Variants in CENPF observed in about 807,000 individuals in gnomAD.
The protein encoded by CENPF is AH antigen.
CENPF carries 214 observed loss-of-function variants against 307.3 expected under a neutral mutation model. That is an observed-to-expected ratio of 0.70 (90% CI 0.62 to 0.78). The LOEUF is 0.78. CENPF is among the 30% of genes least tolerant of loss of function. The pLI is 0.00. For missense variants in CENPF, 3,401 were observed against 3,483.9 expected (o/e 0.98, Z 0.60); for synonymous variants, 1,259 against 1,270.6 (o/e 0.99, Z 0.19).
At chr1:214,612,741 A>G (rs1311748708) in intron 1 of CENPF, among the ~76,000 whole-genome samples, 12 of 152,250 alleles carry the variant, frequency 7.9e-5, no homozygotes, top group Admixed American at 7.9e-4. Context: ...TACACATGGC[A>G]GGATGATTGT....
chr1:214,645,985 G>A lies in CENPF; in HGVS notation c.6415G>A (p.Ala2139Thr), dbSNP rs3748695. ...CGATGAAAAGAAGCAGCTGCACATC[G>A]CAGAGAAACTGAAAGAACGCGAGCG... ...EADEKKQLHI[A>T]EKLKEREREN... is the part of the protein sequence containing the mutation. The change falls in exon 13 of 20, where the codon GCA (alanine) becomes ACA (threonine). Residue 2139 changes from alanine (A) to threonine (T), a missense_variant. Physicochemically the swap from Ala to Thr is moderately conservative, Grantham distance 58. Transcript: ENST00000366955. 0.063 allele frequency: 102,319 copies of A among 1,613,964 alleles called. 4,226 individuals are homozygous for A. The highest frequency in any genetic ancestry group is 0.15 in the South Asian group (13,442 of 91,076).
rs1168928379 is a variant in CENPF, at chr1:214,608,396, C to T, written c.-42+5075C>T. The T allele has an allele frequency of 3.1e-6, 5 of 1,613,294 alleles. No homozygotes were observed. The Admixed American group carries it at 5.0e-5, about 16-fold the overall frequency. Reference sequence around the variant, plus strand: ...GGCCTACCCGAGCTGGCACCGTAGCCGGAGTAGTCGTAGGAGAAGATGTTG... The same window carrying T: ...GGCCTACCCGAGCTGGCACCGTAGCTGGAGTAGTCGTAGGAGAAGATGTTG... On this transcript the variant is annotated intron_variant, in intron 1 of 19. Coordinates refer to ENST00000366955, the MANE Select transcript of CENPF (RefSeq NM_016343.4).
At chr1:214,610,098 T>C (rs1657160489) in intron 1 of CENPF, among the ~76,000 whole-genome samples, 1 of 151,520 alleles carries the variant, frequency 6.6e-6, no homozygotes, top group African/African-American at 2.4e-5. Context: ...GCTCAAGTTA[T>C]CCACCTGCCT....
intron 3 of CENPF, 42 bp downstream of exon 3, chr1:214,615,070 GTATT>G (rs758879609): frequency 2.2e-6 from 3 of 1,340,300 alleles, no homozygotes; most frequent in Non-Finnish European, 2.0e-6. Context: ...ATATTTGTAT[GTATT>G]AATCAGATGC....
chr1:214,647,250 T>C lies in CENPF; in HGVS notation c.7680T>C (p.Asn2560=). The C allele has an allele frequency of 6.2e-7, 1 of 1,614,084 alleles. No individual in the cohort carries two copies. Among genetic ancestry groups the C allele is most frequent in the Non-Finnish European group, 8.5e-7 (1 of 1,179,964 alleles). Residue 2560 remains asparagine (N), a synonymous_variant, in exon 13 of 20, where the codon AAT becomes AAC. Transcript: ENST00000366955. ...AGGAGCAAAACTTAGAACTGAGAAA[T>C]CTGACAGTGGAATTGGAGCAGAAGA... is the stretch of plus-strand genomic sequence containing the variant. ...LWKEQNLELR[N]LTVELEQKIQ...
chr1:214,623,178 T>G (rs961732829), intron 7 of CENPF, among the ~76,000 whole-genome samples: 1 of 152,190 alleles, frequency 6.6e-6, no homozygotes, highest in Non-Finnish European at 1.5e-5. Context: ...GCCACTGCAC[T>G]CCAGCTTGGG....
intron 2 of CENPF, among the ~76,000 whole-genome samples, 186 bp from the exon 3 acceptor site, chr1:214,614,646 A>G (rs1295160447): frequency 1.3e-5 from 2 of 152,164 alleles, no homozygotes; most frequent in South Asian, 2.1e-4. Context: ...GATATACTAC[A>G]TGGCTTCAAA....
intron 16 of CENPF, 56 bp from the exon 17 acceptor site, chr1:214,655,185 C>T: frequency 9.0e-7 from 1 of 1,106,670 alleles, no homozygotes; most frequent in Admixed American, 2.8e-5. Context: ...ATTATTTTTC[C>T]ATATGCTTAT....
At chr1:214,653,068 G>GTTTTCA in intron 16 of CENPF, 79 bp downstream of exon 16, 1 of 1,316,648 alleles carries the variant, frequency 7.6e-7, no homozygotes, top group Non-Finnish European at 1.1e-6. Context: ...AGCATTAAAC[G>GTTTTCA]TTTTCATTTT....
At chr1:214,613,472 T>G (rs1322167738) in intron 1 of CENPF, 1 of 244,338 alleles carries the variant, frequency 4.1e-6, no homozygotes, top group African/African-American at 2.2e-5. Context: ...ATATAAGAAG[T>G]CAACACCGAG....
chr1:214,617,582 C>T (rs1657395097), intron 3 of CENPF, among the ~76,000 whole-genome samples: 1 of 152,132 alleles, frequency 6.6e-6, no homozygotes. Flanking sequence ...TACATATATA[C>T]AATATGTAAC....
chr1:214,632,133 A>G (rs991515865), intron 9 of CENPF, among the ~76,000 whole-genome samples: 3 of 151,930 alleles, frequency 2.0e-5, no homozygotes, highest in Admixed American at 6.5e-5. Flanking sequence ...ATTCTGTTAT[A>G]TATATTGAAA....
intron 7 of CENPF, among the ~76,000 whole-genome samples, chr1:214,626,569 G>A (rs576906454): frequency 1.9e-4 from 29 of 152,288 alleles, no homozygotes; most frequent in Admixed American, 3.3e-4. Flanking sequence ...GTCTCACTAC[G>A]TAATAGTAAT....
chr1:214,641,259 A>C lies in CENPF; in HGVS notation c.2921A>C (p.Gln974Pro). The C allele has an allele frequency of 6.2e-7, 1 of 1,602,260 alleles. No individual in the cohort carries two copies. The highest frequency in any genetic ancestry group is 8.5e-7 in the Non-Finnish European group (1 of 1,177,030). ...AAAAGGGAAATTGAAGAGCTGACCC[A>C]AGAGAATGGGACTCTTAAGGAAATT... ...LNKREIEELT[Q>P]ENGTLKEINA... Residue 974 changes from glutamine (Q) to proline (P), a missense_variant, in exon 12 of 20, where the codon CAA becomes CCA. Transcript: ENST00000366955.
chr1:214,626,911 CACTTT>C (rs1342031473), intron 7 of CENPF, among the ~76,000 whole-genome samples: 2 of 152,204 alleles, frequency 1.3e-5, no homozygotes, highest in African/African-American at 4.8e-5. Context: ...TCTCCTTTTA[CACTTT>C]ACTTATTTGG....
intron 1 of CENPF, chr1:214,608,662 G>A (rs1657107212): frequency 8.1e-6 from 13 of 1,600,494 alleles, no homozygotes; most frequent in Non-Finnish European, 1.1e-5. Flanking sequence ...GGGTGCGCCC[G>A]AGGAGGCCCG....
chr1:214,647,421 A>G, intron 13 of CENPF, 21 bp downstream of exon 13: 1 of 1,574,742 alleles, frequency 6.4e-7, no homozygotes, highest in Middle Eastern at 1.7e-4. Flanking sequence ...ATATCTGTTT[A>G]TGTTTAAATA....
intron 15 of CENPF, among the ~76,000 whole-genome samples, chr1:214,652,411 G>C (rs335527): frequency 0.5 from 74,395 of 149,482 alleles, 19,694 homozygotes; most frequent in East Asian, 0.87. Flanking sequence ...AATAGTCCTT[G>C]GAAAGGCAGG....
intron 18 of CENPF, 52 bp downstream of exon 18, chr1:214,657,461 A>C: frequency 1.5e-6 from 2 of 1,326,236 alleles, no homozygotes; most frequent in Non-Finnish European, 2.1e-6. Flanking sequence ...AATTCCATAT[A>C]ATGGTTCACA....
Sources: allele counts gnomAD v4.1 joint callset (sites outside exome capture counted in the v4.1 genomes callset), GRCh38; gene constraint gnomAD v4.1.1; transcripts MANE v1.5; gene names NCBI Gene and HGNC (gene_info 2026-07-23, HGNC 2026-07-21).